Variants in USP37 observed in about 807,000 individuals in gnomAD.
The protein encoded by USP37 is ubiquitin carboxyl-terminal hydrolase 37.
In USP37, 27 loss-of-function variants were observed where a neutral mutation model predicts 124.0. The observed-to-expected ratio is 0.22, with a 90% CI of 0.16 to 0.30. USP37 has a LOEUF of 0.30. Among genes scored for constraint, USP37 ranks in the 10% least tolerant of loss-of-function variants. The probability of loss-of-function intolerance (pLI) is 1.00; values close to 1 mark genes in which losing one functional copy is unlikely to be tolerated. For missense variants in USP37, 889 were observed against 1,140.4 expected (o/e 0.78, Z 3.17); for synonymous variants, 365 against 388.0 (o/e 0.94, Z 0.70).
intron 11 of USP37, among the ~76,000 whole-genome samples, chr2:218,499,625 T>C (rs570471968): frequency 1.3e-5 from 2 of 152,342 alleles, no homozygotes; most frequent in Admixed American, 6.5e-5. Context: ...AGGTTCTTTA[T>C]AGCTTTTCTT....
At chr2:218,518,039 T>C (rs1690395693) in intron 10 of USP37, among the ~76,000 whole-genome samples, 1 of 152,172 alleles carries the variant, frequency 6.6e-6, no homozygotes, top group Non-Finnish European at 1.5e-5. Context: ...CATTGCAGTT[T>C]TGACCTCCTG....
chr2:218,458,275 AAC>A (rs1491448467), intron 23 of USP37, among the ~76,000 whole-genome samples: 5 of 145,124 alleles, frequency 3.4e-5, no homozygotes, highest in Non-Finnish European at 3.0e-5. Context: ...AAAAAAAAAA[AAC>A]AACTCTATGT....
At chr2:218,536,557 G>A (rs931688740) in intron 8 of USP37, among the ~76,000 whole-genome samples, 2 of 152,196 alleles carry the variant, frequency 1.3e-5, no homozygotes, top group Non-Finnish European at 2.9e-5. Flanking sequence ...CTACATAACA[G>A]ATTTCTGTAA....
At chr2:218,558,813 T>C in intron 3 of USP37, 136 bp from the exon 4 acceptor site, 2 of 646,564 alleles carry the variant, frequency 3.1e-6, no homozygotes, top group Non-Finnish European at 5.2e-6. Flanking sequence ...TTCTTTGCCA[T>C]GTGTCCAGTA....
At chr2:218,458,285 T>C (rs990744607) in intron 23 of USP37, among the ~76,000 whole-genome samples, 2 of 119,356 alleles carry the variant, frequency 1.7e-5, no homozygotes, top group Non-Finnish European at 3.4e-5. Flanking sequence ...AACAACTCTA[T>C]GTTTGGCCAG....
intron 10 of USP37, among the ~76,000 whole-genome samples, chr2:218,524,505 T>G (rs1182220187): frequency 3.3e-5 from 5 of 152,238 alleles, no homozygotes; most frequent in Admixed American, 3.3e-4. Context: ...CTGTATTTCT[T>G]TTGTCCAATG....
chr2:218,487,711 G>A (rs1246398380), intron 15 of USP37, among the ~76,000 whole-genome samples: 5 of 151,976 alleles, frequency 3.3e-5, no homozygotes, highest in South Asian at 2.1e-4. Context: ...GAGCCACTGC[G>A]CCTGGCCAAC....
chr2:218,455,443 T>A, intron 25 of USP37, 137 bp downstream of exon 25: 1 of 1,111,466 alleles, frequency 9.0e-7, no homozygotes, highest in Non-Finnish European at 1.2e-6. Flanking sequence ...AGATAGACCC[T>A]AACCAAAGAT....
rs560146383 is a variant in USP37, at chr2:218,555,097, C to A, written c.157-1373G>T. 3.4e-4 allele frequency among the ~76,000 whole-genome samples: 52 copies of A among 152,286 alleles called. 1 individual carries two copies. The South Asian group carries it at 0.01, about 30-fold the overall frequency. ...GCTATGAAGCGATAACTTTTATTTTCTCTTAAATGGAATTTTTCCAAGGCT... is the reference window on the plus strand; with the variant it reads ...GCTATGAAGCGATAACTTTTATTTTATCTTAAATGGAATTTTTCCAAGGCT... On this transcript the variant is annotated intron_variant, in intron 4 of 25. Coordinates refer to ENST00000258399, the MANE Select transcript of USP37 (RefSeq NM_020935.3).
chr2:218,544,422 T>TAGAGAG (rs1262801588), intron 8 of USP37, among the ~76,000 whole-genome samples: 52 of 56,298 alleles, frequency 9.2e-4, no homozygotes, highest in Admixed American at 2.7e-3. Flanking sequence ...TATATATATA[T>TAGAGAG]ATATATATAG....
chr2:218,560,780 C>G (rs912215067), intron 3 of USP37, 40 bp downstream of exon 3: 1 of 152,116 alleles, frequency 6.6e-6, no homozygotes, highest in Non-Finnish European at 1.5e-5. Flanking sequence ...GCAATGAATT[C>G]AAATTTATTT....
intron 11 of USP37, among the ~76,000 whole-genome samples, chr2:218,505,653 A>AT (rs1463535836): frequency 1.3e-5 from 2 of 152,214 alleles, no homozygotes; most frequent in African/African-American, 4.8e-5. Context: ...GAGAAGTCTG[A>AT]TGCCAGACTA....
At chr2:218,461,606 G>C (rs1419069976) in intron 22 of USP37, among the ~76,000 whole-genome samples, 1 of 152,148 alleles carries the variant, frequency 6.6e-6, no homozygotes, top group Admixed American at 6.5e-5. Context: ...ATGTGTGACT[G>C]ACTCAGCAGA....
chr2:218,477,159 C>T (rs1310701131), intron 18 of USP37, among the ~76,000 whole-genome samples, 178 bp from the exon 19 acceptor site: 1 of 152,210 alleles, frequency 6.6e-6, no homozygotes, highest in Non-Finnish European at 1.5e-5. Context: ...AAGAGCCATG[C>T]TTTGAAAACT....
intron 8 of USP37, among the ~76,000 whole-genome samples, chr2:218,543,198 C>G (rs1007831276): frequency 6.6e-6 from 1 of 152,002 alleles, no homozygotes; most frequent in African/African-American, 2.4e-5. Flanking sequence ...AGCTTGCAAT[C>G]AGTGATGAAA....
Position 218,459,840 on chromosome 2 carries a change from C to G in USP37, c.2593G>C (p.Asp865His), listed in dbSNP as rs1319153147. ...DEDSGNEDVF[D>H]MEYTEAEAEE... The stretch of plus-strand genomic sequence containing the variant: ...GCTTCAGCTTCTGTGTACTCCATAT[C>G]AAAAACATCCTCATTTCCAGAGTCC... The change falls in exon 23 of 26, where the codon GAT (aspartate) becomes CAT (histidine). Residue 865 changes from aspartate to histidine, a missense_variant. By Grantham distance (81) the Asp-to-His change is moderately conservative. Around this residue, in one of 3 missense-constraint regions of USP37, gnomAD observed 504 missense variants for 714.3 expected, o/e 0.71. Coordinates refer to ENST00000258399, the MANE Select transcript of USP37 (RefSeq NM_020935.3). 1 of 1,613,942 alleles carries G rather than the reference C, an allele frequency of 6.2e-7. No homozygotes were observed. The highest frequency in any genetic ancestry group is 8.5e-7 in the Non-Finnish European group (1 of 1,179,930).
chr2:218,555,712 C>G (rs1365015091), intron 4 of USP37, among the ~76,000 whole-genome samples: 5 of 152,188 alleles, frequency 3.3e-5, no homozygotes, highest in Non-Finnish European at 7.3e-5. Flanking sequence ...CTTCCTCTAT[C>G]TTAAGCCCAG....
intron 6 of USP37, among the ~76,000 whole-genome samples, chr2:218,548,925 A>G (rs1692519107): frequency 6.6e-6 from 1 of 152,180 alleles, no homozygotes; most frequent in African/African-American, 2.4e-5. Flanking sequence ...CAAGGAATGT[A>G]TGAATCTCAA....
Position 218,453,074 on chromosome 2 carries a change from G to A in USP37, c.*1856C>T, listed in dbSNP as rs922671683. ...AAGGTATATAGGTAGATGGTAGGAG[G>A]CAAAGCATTTATCAGTAGTTGAGCA... On this transcript the variant is annotated 3_prime_UTR_variant, in exon 26 of 26. Coordinates refer to ENST00000258399, the MANE Select transcript of USP37 (RefSeq NM_020935.3). 6.6e-6 allele frequency: 1 copy of A among 152,180 alleles called. No individual in the cohort carries two copies. The highest frequency in any genetic ancestry group is 1.5e-5 in the Non-Finnish European group (1 of 68,024). 9.4% of individuals were successfully genotyped at this position (152,180 alleles called of 1,614,324 possible).
Sources: gnomAD v4.1 joint callset for allele counts (sites outside exome capture counted in the v4.1 genomes callset) on GRCh38, gnomAD v4.1.1 for gene constraint, gnomAD v4.1.1 regional missense constraint, MANE v1.5 for transcripts, NCBI Gene and HGNC (gene_info 2026-07-23, HGNC 2026-07-21) for gene names.